The following EP400 variants were observed in gnomAD, a reference collection of about 807,000 sequenced individuals.
The protein encoded by EP400 is E1A binding protein p400, also known as E1A-binding protein p400.
In EP400, 105 loss-of-function variants were observed where a neutral mutation model predicts 354.1. The ratio of observed to expected loss-of-function variants is 0.30; its 90% CI spans 0.25 to 0.35. The LOEUF (loss-of-function observed/expected upper bound fraction) is 0.35. EP400 is among the 10% of genes least tolerant of loss of function. EP400 has a pLI of 1.00. For missense variants in EP400, 3,280 were observed against 4,121.0 expected, an observed-to-expected ratio of 0.80 and a Z score of 5.59; for synonymous variants, 1,646 against 1,716.9, an observed-to-expected ratio of 0.96 and a Z score of 1.02.
At position 132,000,360 on chromosome 12, in the gene EP400, AT is replaced by A. The variant is rs549408597; in HGVS notation, c.2828-4713del. Among the ~76,000 whole-genome samples the A allele has an allele frequency of 6.6e-5, 10 of 152,174 alleles. No homozygotes were observed. In the South Asian group the frequency reaches 2.1e-3, roughly 32 times the overall value. On this transcript the variant is annotated intron_variant, in intron 12 of 52. Coordinates refer to ENST00000389561, the MANE Select transcript of EP400 (RefSeq NM_015409.5). ...ATGTATGGGATTCTCACTGACCTGGATTTTGTTGAGGTAGGTTTTGAATGGA... is the reference window on the plus strand; with the variant it reads ...ATGTATGGGATTCTCACTGACCTGGATTTGTTGAGGTAGGTTTTGAATGGA...
At chr12:132,015,466 C>A (rs1224083251) in intron 19 of EP400, among the ~76,000 whole-genome samples, 1 of 152,210 alleles carries the variant, frequency 6.6e-6, no homozygotes, top group Non-Finnish European at 1.5e-5. Flanking sequence ...GAGCGCCAGC[C>A]TATCAGGGAA....
chr12:132,044,742 CTGTGTGG>C (rs1363699043), intron 36 of EP400, 27 bp downstream of exon 36: 2 of 1,614,136 alleles, frequency 1.2e-6, no homozygotes, highest in Non-Finnish European at 1.7e-6. Context: ...CCCTTTGTGT[CTGTGTGG>C]GCAGCTTCCT....
chr12:132,055,065 G>T (rs1459426392), intron 44 of EP400, 34 bp from the exon 45 acceptor site: 2 of 1,613,658 alleles, frequency 1.2e-6, no homozygotes, highest in Non-Finnish European at 1.7e-6. Context: ...CATTTCTCCT[G>T]GCGCTGTTGC....
intron 19 of EP400, among the ~76,000 whole-genome samples, chr12:132,014,718 A>G (rs1212832089): frequency 2.0e-5 from 3 of 152,086 alleles, no homozygotes; most frequent in Non-Finnish European, 2.9e-5. Flanking sequence ...GCACAGTCAG[A>G]CACACTGGAT....
intron 2 of EP400, among the ~76,000 whole-genome samples, chr12:131,975,087 C>G (rs1892425966): frequency 6.6e-6 from 1 of 151,474 alleles, no homozygotes; most frequent in Non-Finnish European, 1.5e-5. Context: ...AAAACCAAGG[C>G]TGAGTGTGCC....
chr12:132,013,175 A>G lies in EP400; in HGVS notation c.3608A>G (p.Gln1203Arg), dbSNP rs1366839084. 3 of 1,612,578 alleles carry G rather than the reference A, an allele frequency of 1.9e-6. No individual in the cohort carries two copies. The highest frequency in any genetic ancestry group is 2.5e-6 in the Non-Finnish European group (3 of 1,178,946). ...CACTGGGAAGCGGTTTTCACCCTGC[A>G]GAGGTCTGTGTGTTACGCGCTTGTC... The part of the protein sequence containing the change: ...ERHWEAVFTL[Q>R]SQQRLLLIDS... The change falls in exon 17 of 53, where the codon CAG (glutamine) becomes CGG (arginine). Residue 1203 changes from glutamine (Q) to arginine (R), a missense_variant. Gln to Arg is a conservative substitution (Grantham distance 43). Coordinates refer to ENST00000389561, the MANE Select transcript of EP400 (RefSeq NM_015409.5). This position sits in a 1 kb window ranked among gnomAD's most constrained non-coding sequence, Gnocchi z 4.5.
At position 132,050,571 on chromosome 12, in the gene EP400, A is replaced by C; in HGVS notation, c.7338-28A>C. On this transcript the variant is annotated intron_variant, in intron 40 of 52. Transcript: ENST00000389561. The surrounding 1 kb of genome is among the most constrained non-coding windows in gnomAD (Gnocchi z 4.8). ...TCTTCAGATATTTCCTTTATTTAATAATTGCTGTCTCACTGTCTATACTTC... is the reference window on the plus strand; with the variant it reads ...TCTTCAGATATTTCCTTTATTTAATCATTGCTGTCTCACTGTCTATACTTC... The C allele has an allele frequency of 6.2e-7, 1 of 1,613,944 alleles. No homozygotes were observed. Among genetic ancestry groups the C allele is most frequent in the Non-Finnish European group, 8.5e-7 (1 of 1,179,864 alleles).
chr12:132,021,868 C>T (rs1894133066), intron 23 of EP400, among the ~76,000 whole-genome samples: 1 of 152,106 alleles, frequency 6.6e-6, no homozygotes, highest in African/African-American at 2.4e-5. Flanking sequence ...TTTTTTAATA[C>T]AGAACATTTT....
In EP400 at chr12:132,075,332, G is replaced by A. The variant is rs1896200989; in HGVS notation, c.9022-1184G>A. On this transcript the variant is annotated intron_variant, in intron 51 of 52. Coordinates refer to ENST00000389561, the MANE Select transcript of EP400 (RefSeq NM_015409.5). This position sits in a 1 kb window ranked among gnomAD's most constrained non-coding sequence, Gnocchi z 4.5. ...ATGTGGCCAGCGATCCCGGGCAGAG[G>A]TTGTGCAGCTTTTCTGCTCCGTGAC... Among the ~76,000 whole-genome samples, 1 of 152,136 alleles carries A rather than the reference G, an allele frequency of 6.6e-6. No individual in the cohort carries two copies. The highest frequency in any genetic ancestry group is 6.5e-5 in the Admixed American group (1 of 15,270).
chr12:132,068,990 C>G (rs1416535234), intron 50 of EP400: 1 of 153,454 alleles, frequency 6.5e-6, no homozygotes, highest in African/African-American at 2.4e-5. Context: ...GTTAAAAACC[C>G]CTATTTACCC....
Position 131,982,162 on chromosome 12 carries a change from C to T in EP400, c.1613C>T (p.Pro538Leu), listed in dbSNP as rs1202393358. 3 of 1,603,732 alleles carry T rather than the reference C, an allele frequency of 1.9e-6. No homozygotes were observed. The highest frequency in any genetic ancestry group is 1.3e-5 in the African/African-American group (1 of 74,764). ...AGGCAGAGTCAGCAGCAGTATGACC[C>T]CTCCACGGGGCCTCCCGTGCAGAAC... ...GQRQSQQQYDPSTGPPVQNAA... is the reference protein window; with the variant it reads ...GQRQSQQQYDLSTGPPVQNAA... Residue 538 changes from proline (P) to leucine (L), a missense_variant, in exon 5 of 53, where the codon CCC becomes CTC. This residue lies in a region of EP400 where 800 missense variants were observed against 840.0 expected (regional missense o/e 0.95). Coordinates refer to ENST00000389561, the MANE Select transcript of EP400 (RefSeq NM_015409.5).
chr12:132,071,111 G>A (rs1260748441), intron 51 of EP400, among the ~76,000 whole-genome samples: 1 of 152,184 alleles, frequency 6.6e-6, no homozygotes, highest in African/African-American at 2.4e-5. Flanking sequence ...GTGAAGTAGG[G>A]TGTTTGCTGT....
chr12:131,991,086 CCACTT>C (rs1196680112), intron 9 of EP400, among the ~76,000 whole-genome samples: 1 of 152,168 alleles, frequency 6.6e-6, no homozygotes, highest in African/African-American at 2.4e-5. Context: ...ATGTGCCACT[CCACTT>C]AGGATGTGCA....
chr12:132,031,342 A>G, intron 29 of EP400: 1 of 519,158 alleles, frequency 1.9e-6, no homozygotes, highest in South Asian at 1.4e-5. Flanking sequence ...TTTGGGGCCT[A>G]CAAGTTGAGC....
chr12:132,031,387 C>T (rs774528369), intron 29 of EP400: 1 of 519,046 alleles, frequency 1.9e-6, no homozygotes, highest in African/African-American at 1.9e-5. Flanking sequence ...TAACTTTTTC[C>T]TTCTTGTCAC....
rs369306630 is a variant in EP400 at position 131,950,355 on chromosome 12, C to T, written c.-36+319C>T. Among the ~76,000 whole-genome samples, 131 of 152,204 alleles carry T rather than the reference C, an allele frequency of 8.6e-4. 1 individual carries two copies. Among genetic ancestry groups the T allele is most frequent in the African/African-American group, 3.1e-3 (127 of 41,546 alleles). ...AGGGCAGCTCGGCGCGGCGGCGTTG[C>T]GGGAACCGGGGGACTCCGGCCCGCG... On this transcript the variant is annotated intron_variant, in intron 1 of 52. Transcript: ENST00000389561.
intron 2 of EP400, among the ~76,000 whole-genome samples, chr12:131,967,377 A>C (rs1892136807): frequency 6.8e-6 from 1 of 147,344 alleles, no homozygotes; most frequent in African/African-American, 2.5e-5. Context: ...CAAGACTCTG[A>C]CTCAAAAAAA....
chr12:131,995,357 A>G (rs1893171559), intron 12 of EP400, among the ~76,000 whole-genome samples: 1 of 138,044 alleles, frequency 7.2e-6, no homozygotes, highest in African/African-American at 2.8e-5. Context: ...AGAACTTCAT[A>G]CCAACGAATC....
intron 1 of EP400, among the ~76,000 whole-genome samples, chr12:131,957,992 C>A (rs994422495): frequency 2.0e-5 from 3 of 152,196 alleles, no homozygotes; most frequent in African/African-American, 7.2e-5. Flanking sequence ...AAATTCCTAA[C>A]CCTTACCTTT....
Sources: gnomAD v4.1 joint callset for allele counts (sites outside exome capture counted in the v4.1 genomes callset) on GRCh38, gnomAD v4.1.1 for gene constraint, gnomAD v4.1.1 regional missense constraint, Gnocchi (gnomAD v3.1) non-coding constraint, MANE v1.5 for transcripts, NCBI Gene and HGNC (gene_info 2026-07-23, HGNC 2026-07-21) for gene names.